The following HEMK2 variants were observed in gnomAD, a reference collection of about 807,000 sequenced individuals.
HEMK2 encodes methyltransferase HEMK2.
the HEMK2 span, among the ~76,000 whole-genome samples, chr21:28,757,742 T>C: frequency 6.6e-6 from 1 of 152,110 alleles, no homozygotes; most frequent in Admixed American, 6.5e-5. Context: ...TGGATAACAG[T>C]ACTGACTAGG....
chr21:28,596,895 G>T, the HEMK2 span, among the ~76,000 whole-genome samples: 2,699 of 152,224 alleles, frequency 0.018, 101 homozygotes, highest in African/African-American at 0.063. Flanking sequence ...ATAGCTTTCA[G>T]TAATAATACA....
the HEMK2 span, among the ~76,000 whole-genome samples, chr21:28,727,493 A>G: frequency 6.6e-6 from 1 of 152,232 alleles, no homozygotes; most frequent in African/African-American, 2.4e-5. Flanking sequence ...TAGCAACAAA[A>G]AATACATTAG....
chr21:28,579,356 T>C, the HEMK2 span, among the ~76,000 whole-genome samples: 1 of 152,224 alleles, frequency 6.6e-6, no homozygotes, highest in Non-Finnish European at 1.5e-5. Flanking sequence ...TAATTGTATA[T>C]TCTTCAAATT....
At chr21:28,758,718 G>C in the HEMK2 span, among the ~76,000 whole-genome samples, 12 of 152,214 alleles carry the variant, frequency 7.9e-5, no homozygotes, top group East Asian at 1.7e-3. Context: ...CATGAAACCC[G>C]ATCCTCAGGC....
At chr21:28,597,445 G>A in the HEMK2 span, among the ~76,000 whole-genome samples, 2 of 152,206 alleles carry the variant, frequency 1.3e-5, no homozygotes, top group Non-Finnish European at 2.9e-5. Flanking sequence ...TAGACAAGGA[G>A]TAATTAATAG....
At chr21:28,792,032 T>A in the HEMK2 span, among the ~76,000 whole-genome samples, 4 of 152,160 alleles carry the variant, frequency 2.6e-5, no homozygotes, top group African/African-American at 9.7e-5. Context: ...CATTATATGC[T>A]AATTATAATG....
At chr21:28,775,757 G>A in the HEMK2 span, among the ~76,000 whole-genome samples, 4 of 152,140 alleles carry the variant, frequency 2.6e-5, no homozygotes, top group Non-Finnish European at 2.9e-5. Context: ...GGAGTGATGG[G>A]TACTGAAGCC....
the HEMK2 span, among the ~76,000 whole-genome samples, chr21:28,772,439 GT>G: frequency 6.6e-6 from 1 of 152,088 alleles, no homozygotes; most frequent in East Asian, 1.9e-4. Flanking sequence ...TCTTAATGCC[GT>G]AAGATTTATT....
At chr21:28,649,533 G>C in the HEMK2 span, among the ~76,000 whole-genome samples, 8 of 152,168 alleles carry the variant, frequency 5.3e-5, no homozygotes, top group Non-Finnish European at 1.0e-4. Context: ...ATTCTAGTTC[G>C]GGAGGCAGAA....
the HEMK2 span, among the ~76,000 whole-genome samples, chr21:28,808,724 G>A: frequency 5.9e-5 from 9 of 151,880 alleles, no homozygotes; most frequent in South Asian, 2.1e-4. Context: ...CTTGTATACC[G>A]TGATTTTGCT....
chr21:28,622,713 AAAAACAAGCAATGGG>A, the HEMK2 span, among the ~76,000 whole-genome samples: 1 of 152,202 alleles, frequency 6.6e-6, no homozygotes, highest in Admixed American at 6.5e-5. Context: ...CAAACCTGAC[AAAAACAAGCAATGGG>A]AAAAGGATTC....
the HEMK2 span, among the ~76,000 whole-genome samples, chr21:28,649,442 A>G: frequency 6.6e-6 from 1 of 152,246 alleles, no homozygotes; most frequent in South Asian, 2.1e-4. Flanking sequence ...TTCACTGAGC[A>G]TCTACATTGT....
the HEMK2 span, among the ~76,000 whole-genome samples, chr21:28,744,214 C>T: frequency 6.6e-6 from 1 of 151,838 alleles, no homozygotes; most frequent in African/African-American, 2.4e-5. Flanking sequence ...TATAACAAAC[C>T]TGCACATGTA....
chr21:28,599,231 G>A, the HEMK2 span, among the ~76,000 whole-genome samples: 33 of 152,274 alleles, frequency 2.2e-4, no homozygotes, highest in African/African-American at 7.2e-4. Context: ...GTATTAGTCC[G>A]TTTTCATGCT....
chr21:28,753,574 T>C, the HEMK2 span, among the ~76,000 whole-genome samples: 2 of 151,946 alleles, frequency 1.3e-5, no homozygotes, highest in South Asian at 2.1e-4. Flanking sequence ...AAAGAGAAAA[T>C]AATGCCCAGT....
chr21:28,831,637 A>AGG, the HEMK2 span, among the ~76,000 whole-genome samples: 6 of 25,680 alleles, frequency 2.3e-4, 1 homozygote, highest in African/African-American at 1.1e-3. Flanking sequence ...GAAGGAAGGA[A>AGG]AGAAAGAAAG....
the HEMK2 span, among the ~76,000 whole-genome samples, chr21:28,677,160 G>T: frequency 6.6e-6 from 1 of 152,202 alleles, no homozygotes; most frequent in African/African-American, 2.4e-5. Flanking sequence ...AAAGAAAGGG[G>T]TGACAGACAG....
At chr21:28,622,295 G>C in the HEMK2 span, among the ~76,000 whole-genome samples, 4 of 152,222 alleles carry the variant, frequency 2.6e-5, no homozygotes, top group African/African-American at 9.6e-5. Flanking sequence ...ACTCTTCAAG[G>C]AGAACTACAA....
chr21:28,835,460 G>C, the HEMK2 span, among the ~76,000 whole-genome samples: 39,429 of 151,928 alleles, frequency 0.26, 5,877 homozygotes, highest in African/African-American at 0.4. Flanking sequence ...CTACATCAAG[G>C]GAACAACCCG....
Sources: gnomAD v4.1 joint callset for allele counts (sites outside exome capture counted in the v4.1 genomes callset) on GRCh38, gnomAD v4.1.1 for gene constraint, MANE v1.5 for transcripts, NCBI Gene and HGNC (gene_info 2026-07-23, HGNC 2026-07-21) for gene names.